Variants in ASIC2 observed in about 807,000 individuals in gnomAD.
The protein encoded by ASIC2 is acid sensing ion channel subunit 2.
ASIC2 carries 25 observed loss-of-function variants against 57.3 expected under a neutral mutation model. The ratio of observed to expected loss-of-function variants is 0.44; its 90% CI spans 0.32 to 0.61. The LOEUF is 0.61. Ranked by LOEUF, ASIC2 falls within the 20% of genes least tolerant of loss-of-function variation. ASIC2 has a pLI of 0.06. For synonymous variants in ASIC2, 319 were observed against 307.5 expected (o/e 1.04, Z -0.39); for missense variants, 641 against 738.1 (o/e 0.87, Z 1.52).
chr17:33,589,674 C>T (rs770654342), intron 1 of ASIC2, among the ~76,000 whole-genome samples: 21 of 152,306 alleles, frequency 1.4e-4, no homozygotes, highest in South Asian at 8.3e-4. Context: ...TAGGATTCAT[C>T]CAAGTTGTAT....
chr17:33,268,711 C>T (rs1011807058), intron 1 of ASIC2, among the ~76,000 whole-genome samples: 7 of 152,156 alleles, frequency 4.6e-5, no homozygotes, highest in African/African-American at 1.4e-4. Context: ...CCGTCCCAAG[C>T]ACTTTTACCA....
At chr17:33,540,692 T>C (rs1378744832) in intron 1 of ASIC2, among the ~76,000 whole-genome samples, 2 of 152,122 alleles carry the variant, frequency 1.3e-5, no homozygotes, top group African/African-American at 4.8e-5. Context: ...CGGGTATAGG[T>C]TTCCCTACTT....
chr17:33,836,337 T>C (rs900464513), intron 1 of ASIC2, among the ~76,000 whole-genome samples: 4 of 151,836 alleles, frequency 2.6e-5, no homozygotes, highest in African/African-American at 9.7e-5. Flanking sequence ...GGTCTTGAAC[T>C]CCTGGCCTCA....
At chr17:33,087,899 G>A (rs1047327443) in intron 3 of ASIC2, among the ~76,000 whole-genome samples, 1 of 152,006 alleles carries the variant, frequency 6.6e-6, no homozygotes, top group Non-Finnish European at 1.5e-5. Context: ...TTTATAAAAT[G>A]GCTAAACAGC....
At chr17:34,000,273 C>CA (rs1296691498) in intron 1 of ASIC2, among the ~76,000 whole-genome samples, 1 of 82,840 alleles carries the variant, frequency 1.2e-5, no homozygotes, top group East Asian at 5.6e-4. Context: ...TTTTTTGAGA[C>CA]AGAGTTTCAC....
chr17:33,787,031 T>C (rs1911620242), intron 1 of ASIC2, among the ~76,000 whole-genome samples: 1 of 152,250 alleles, frequency 6.6e-6, no homozygotes, highest in South Asian at 2.1e-4. Flanking sequence ...GATTTACAGA[T>C]ACTCTTCTCA....
At chr17:33,054,917 T>C (rs1397713786) in intron 3 of ASIC2, among the ~76,000 whole-genome samples, 1 of 152,108 alleles carries the variant, frequency 6.6e-6, no homozygotes, top group African/African-American at 2.4e-5. Flanking sequence ...TCTCAACACA[T>C]TTCATGCCAC....
intron 1 of ASIC2, among the ~76,000 whole-genome samples, chr17:33,204,188 T>C (rs1484636533): frequency 6.6e-6 from 1 of 152,246 alleles, no homozygotes; most frequent in East Asian, 1.9e-4. Context: ...CTGGTTATTG[T>C]CTGGTCTTTT....
At chr17:33,817,442 C>G (rs986170205) in intron 1 of ASIC2, among the ~76,000 whole-genome samples, 1 of 152,190 alleles carries the variant, frequency 6.6e-6, no homozygotes, top group Non-Finnish European at 1.5e-5. Context: ...AACCTGCTCA[C>G]AGACCTAACT....
chr17:33,314,746 C>T (rs1329593250), intron 1 of ASIC2, among the ~76,000 whole-genome samples: 1 of 152,138 alleles, frequency 6.6e-6, no homozygotes, highest in Admixed American at 6.6e-5. Flanking sequence ...TTCTTAAGAA[C>T]AAAGACAAAT....
intron 1 of ASIC2, among the ~76,000 whole-genome samples, chr17:33,343,910 C>T (rs1225892642): frequency 6.6e-6 from 1 of 152,202 alleles, no homozygotes; most frequent in Non-Finnish European, 1.5e-5. Flanking sequence ...GACTTTGTCC[C>T]GTCTACCTGG....
upstream of ASIC2, among the ~76,000 whole-genome samples, chr17:33,295,535 A>G (rs1174671185): frequency 6.6e-6 from 1 of 152,190 alleles, no homozygotes; most frequent in Non-Finnish European, 1.5e-5. Context: ...AACTTGGGTC[A>G]TGTTTTTCCT....
At chr17:33,579,795 G>T (rs558796753) in intron 1 of ASIC2, among the ~76,000 whole-genome samples, 1 of 152,134 alleles carries the variant, frequency 6.6e-6, no homozygotes, top group East Asian at 1.9e-4. Flanking sequence ...CTACCACACC[G>T]TGAAAAACAC....
At chr17:33,202,739 G>A (rs572258279) in intron 1 of ASIC2, among the ~76,000 whole-genome samples, 57 of 152,266 alleles carry the variant, frequency 3.7e-4, no homozygotes, top group African/African-American at 1.3e-3. Flanking sequence ...TAAATAATGC[G>A]GGTGTCTACA....
At chr17:33,604,990 C>T (rs72827216) in intron 1 of ASIC2, among the ~76,000 whole-genome samples, 3,170 of 152,038 alleles carry the variant, frequency 0.021, 56 homozygotes, top group East Asian at 0.071. Flanking sequence ...TCTATAATTG[C>T]CCTACACACA....
chr17:33,725,813 A>G (rs1164953206), intron 1 of ASIC2, among the ~76,000 whole-genome samples: 2 of 150,270 alleles, frequency 1.3e-5, no homozygotes, highest in Non-Finnish European at 3.0e-5. Flanking sequence ...GAGGGATTCC[A>G]AAGTGGGTCT....
At chr17:33,503,803 T>G (rs550895796) in intron 1 of ASIC2, among the ~76,000 whole-genome samples, 25 of 152,310 alleles carry the variant, frequency 1.6e-4, no homozygotes, top group African/African-American at 6.0e-4. Flanking sequence ...AGTGTTTTCA[T>G]CTATAAAACA....
In ASIC2 at chr17:33,807,644, CTT is replaced by C. The variant is rs573682892; in HGVS notation, c.555+348332_555+348333del. ...AAATTACTTCTAACTAGGTTCCCCA[CTT>C]CTAATCTTGGGCCCCTCCTCATCCT... On this transcript the variant is annotated intron_variant, in intron 1 of 9. Transcript: ENST00000359872. 7.5e-4 allele frequency among the ~76,000 whole-genome samples: 114 copies of C among 152,278 alleles called. No individual in the cohort carries two copies. The East Asian group carries it at 0.016, about 21-fold the overall frequency.
intron 1 of ASIC2, chr17:34,051,883 CG>C (rs1908580476): frequency 7.1e-6 from 1 of 140,454 alleles, no homozygotes; most frequent in Non-Finnish European, 1.6e-5. Flanking sequence ...AGCGAGAGAG[CG>C]AGAGAGCGAG....
Sources: gnomAD v4.1 joint callset for allele counts (sites outside exome capture counted in the v4.1 genomes callset) on GRCh38, gnomAD v4.1.1 for gene constraint, MANE v1.5 for transcripts, NCBI Gene and HGNC (gene_info 2026-07-23, HGNC 2026-07-21) for gene names.